TMEM132E: variants seen among roughly 807,000 people sequenced by gnomAD.
The protein encoded by TMEM132E is transmembrane protein 132E.
Under a neutral mutation model 78.5 loss-of-function variants are expected in TMEM132E, and 49 were observed. That is an observed-to-expected ratio of 0.62 (90% confidence interval 0.50 to 0.79). TMEM132E has a LOEUF of 0.79. Among genes scored for constraint, TMEM132E ranks in the 30% least tolerant of loss-of-function variants. TMEM132E has a pLI of 0.00. For missense variants in TMEM132E, 1,403 were observed against 1,470.9 expected (o/e 0.95, Z 0.75); for synonymous variants, 715 against 670.6 (o/e 1.07, Z -1.02).
chr17:34,609,291 G>A (rs538082012), intron 1 of TMEM132E, among the ~76,000 whole-genome samples: 135 of 152,162 alleles, frequency 8.9e-4, no homozygotes, highest in Non-Finnish European at 1.7e-3. Context: ...GGTGTGGAAT[G>A]TGAGAAAAAG....
At chr17:34,625,284 G>A (rs1303118275) in intron 1 of TMEM132E, among the ~76,000 whole-genome samples, 2 of 152,152 alleles carry the variant, frequency 1.3e-5, no homozygotes, top group African/African-American at 4.8e-5. Flanking sequence ...TAAGAGGAGG[G>A]AGGAGGCCCA....
In TMEM132E at chr17:34,634,819, A is replaced by T. The variant is rs767013178; in HGVS notation, c.1709A>T (p.Asp570Val). ...CCCAGGTCAGTCCGGGAAAGCGAGGATGAGGATGAGGAGGAGGAGGAGCGG... is the reference window on the plus strand; with the variant it reads ...CCCAGGTCAGTCCGGGAAAGCGAGGTTGAGGATGAGGAGGAGGAGGAGCGG... ...PDRRSVRESE[D>V]EDEEEEERRQ... The change falls in exon 7 of 9, where the codon GAT becomes GTT. Residue 570 changes from aspartate to valine, a missense_variant. By Grantham distance (152) the Asp-to-Val change is radical (BLOSUM62 -3). Around this residue, in one of 3 missense-constraint regions of TMEM132E, gnomAD observed 888 missense variants for 952.8 expected, o/e 0.93. Transcript: ENST00000631683. 9.3e-6 allele frequency: 15 copies of T among 1,613,794 alleles called. No homozygotes were observed. Among genetic ancestry groups the T allele is most frequent in the Non-Finnish European group, 1.3e-5 (15 of 1,179,852 alleles).
intron 1 of TMEM132E, among the ~76,000 whole-genome samples, chr17:34,611,525 C>T (rs1906593698): frequency 6.6e-6 from 1 of 152,152 alleles, no homozygotes; most frequent in South Asian, 2.1e-4. Context: ...AACTGTCAAT[C>T]AATCAATATC....
chr17:34,606,882 C>G (rs1454058583), intron 1 of TMEM132E, among the ~76,000 whole-genome samples: 1 of 152,232 alleles, frequency 6.6e-6, no homozygotes, highest in East Asian at 1.9e-4. Flanking sequence ...CACTCGCTCT[C>G]TCTCTGCTCC....
intron 1 of TMEM132E, among the ~76,000 whole-genome samples, chr17:34,587,866 T>C (rs1278077215): frequency 2.0e-5 from 3 of 152,234 alleles, no homozygotes; most frequent in Non-Finnish European, 4.4e-5. Flanking sequence ...CCCCTTTTTA[T>C]GCAAGGCAAA....
At chr17:34,628,466 C>T in intron 2 of TMEM132E, 97 bp from the exon 3 acceptor site, 1 of 1,394,302 alleles carries the variant, frequency 7.2e-7, no homozygotes, top group African/African-American at 1.5e-5. Context: ...CTTATCTGTT[C>T]CCCCTCCCCC....
chr17:34,614,501 TTCTTG>T (rs1307862172), intron 1 of TMEM132E: 2 of 152,114 alleles, frequency 1.3e-5, no homozygotes, highest in Admixed American at 1.3e-4. Flanking sequence ...TACAAAGCCT[TTCTTG>T]TCTTCATAAG....
At position 34,632,729 on chromosome 17, in the gene TMEM132E, TTG is replaced by T; in HGVS notation, c.1511_1512del (p.Val504GlufsTer38). 6.2e-7 allele frequency: 1 copy of T among 1,614,166 alleles called. No individual in the cohort carries two copies. Among genetic ancestry groups the T allele is most frequent in the Non-Finnish European group, 8.5e-7 (1 of 1,180,020 alleles). ...GTATCCAGCAGCTGTGACTACGTGT[TTG>T]TGAGTGGAAAAGAGTCTCGAGGGTC... On this transcript the variant is annotated frameshift_variant, in exon 6 of 9. Transcript: ENST00000631683. LOFTEE classifies it high-confidence loss of function.
intron 1 of TMEM132E, among the ~76,000 whole-genome samples, chr17:34,610,396 C>T (rs924325278): frequency 2.6e-5 from 4 of 152,174 alleles, no homozygotes; most frequent in African/African-American, 4.8e-5. Flanking sequence ...GTGAAAGGCG[C>T]GGTCTCTGCC....
intron 1 of TMEM132E, among the ~76,000 whole-genome samples, chr17:34,603,716 C>T (rs1906316710): frequency 6.6e-6 from 1 of 152,184 alleles, no homozygotes; most frequent in Admixed American, 6.5e-5. Flanking sequence ...CTCCCTAAGC[C>T]TTGCCTTCTC....
Position 34,634,858 on chromosome 17 carries a change from G to C in TMEM132E, c.1748G>C (p.Ser583Thr). Residue 583 changes from serine to threonine, a missense_variant, in exon 7 of 9, where the codon AGC becomes ACC. Coordinates refer to ENST00000631683, the MANE Select transcript of TMEM132E (RefSeq NM_001304438.2). Reference sequence around the variant, plus strand: ...GAGGAGGAGCGGCGGCAGAGTGCAAGCCGTGGCTGCACCCTGCAGTACCAG... The same window carrying C: ...GAGGAGGAGCGGCGGCAGAGTGCAACCCGTGGCTGCACCCTGCAGTACCAG... ...EEEEERRQSA[S>T]RGCTLQYQHA... is the part of the protein sequence containing the mutation. The C allele has an allele frequency of 6.2e-7, 1 of 1,614,132 alleles. No individual in the cohort carries two copies. The highest frequency in any genetic ancestry group is 8.5e-7 in the Non-Finnish European group (1 of 1,180,036).
chr17:34,623,598 G>A (rs543826250), intron 1 of TMEM132E, among the ~76,000 whole-genome samples: 1 of 152,342 alleles, frequency 6.6e-6, no homozygotes, highest in South Asian at 2.1e-4. Flanking sequence ...AGGATGTCCT[G>A]TTCTTGGTCT....
At position 34,634,829 on chromosome 17, in the gene TMEM132E, G is replaced by A; in HGVS notation, c.1719G>A (p.Glu573=). 6.2e-7 allele frequency: 1 copy of A among 1,612,036 alleles called. No individual in the cohort carries two copies. The highest frequency in any genetic ancestry group is 1.3e-5 in the African/African-American group (1 of 74,982). ...RSVRESEDED[E]EEEERRQSAS... ...TCCGGGAAAGCGAGGATGAGGATGA[G>A]GAGGAGGAGGAGCGGCGGCAGAGTG... The change falls in exon 7 of 9, where the codon GAG becomes GAA. Residue 573 remains glutamate (E), a synonymous_variant. Coordinates refer to ENST00000631683, the MANE Select transcript of TMEM132E (RefSeq NM_001304438.2).
At chr17:34,589,143 T>C (rs1905774966) in intron 1 of TMEM132E, among the ~76,000 whole-genome samples, 1 of 152,112 alleles carries the variant, frequency 6.6e-6, no homozygotes, top group African/African-American at 2.4e-5. Context: ...AATGATCAGT[T>C]GATAGAATGT....
chr17:34,582,687 G>C lies in TMEM132E; in HGVS notation c.67+1544G>C, dbSNP rs182502078. ...TGTGTGCAACACTGAGAATGAAGGT[G>C]GGGGAGAGGGAGGTGGGCTGCCTGT... is the stretch of plus-strand genomic sequence containing the variant. On this transcript the variant is annotated intron_variant, in intron 1 of 8. Coordinates refer to ENST00000631683, the MANE Select transcript of TMEM132E (RefSeq NM_001304438.2). Among the ~76,000 whole-genome samples, 76 of 152,286 alleles carry C rather than the reference G, an allele frequency of 5.0e-4. 2 individuals carry two copies. The East Asian group carries it at 0.012, about 24-fold the overall frequency.
At chr17:34,637,103 G>A in intron 8 of TMEM132E, 74 bp from the exon 9 acceptor site, 1 of 1,365,876 alleles carries the variant, frequency 7.3e-7, no homozygotes, top group Non-Finnish European at 1.0e-6. Context: ...TGCCCCTACA[G>A]AGCCCAGGAT....
chr17:34,586,588 G>A (rs148322484), intron 1 of TMEM132E, among the ~76,000 whole-genome samples: 10 of 152,146 alleles, frequency 6.6e-5, no homozygotes, highest in East Asian at 1.9e-4. Context: ...CCCACAGTCC[G>A]AGTCCAGGCA....
intron 1 of TMEM132E, among the ~76,000 whole-genome samples, chr17:34,593,756 A>G (rs1039878906): frequency 5.3e-5 from 8 of 152,246 alleles, no homozygotes; most frequent in Non-Finnish European, 2.9e-5. Context: ...AGATCCTGCA[A>G]ACCACAAGTC....
chr17:34,607,934 A>C (rs1360818643), intron 1 of TMEM132E, among the ~76,000 whole-genome samples: 1 of 152,056 alleles, frequency 6.6e-6, no homozygotes, highest in African/African-American at 2.4e-5. Context: ...AGACCTCCAA[A>C]CCCCGTAGTT....
Sources: gnomAD v4.1 joint callset for allele counts (sites outside exome capture counted in the v4.1 genomes callset) on GRCh38, gnomAD v4.1.1 for gene constraint, gnomAD v4.1.1 regional missense constraint, MANE v1.5 for transcripts, NCBI Gene and HGNC (gene_info 2026-07-23, HGNC 2026-07-21) for gene names.